Variants in IGF2R observed in about 807,000 individuals in gnomAD.
IGF2R encodes cation-independent mannose-6-phosphate receptor.
In IGF2R, 91 loss-of-function variants were observed where a neutral mutation model predicts 270.6. The observed-to-expected ratio is 0.34, with a 90% CI of 0.28 to 0.40. The LOEUF is 0.40. Among genes scored for constraint, IGF2R ranks in the 10% least tolerant of loss-of-function variants. The pLI is 1.00. For missense variants in IGF2R, 2,805 were observed against 3,188.3 expected, an observed-to-expected ratio of 0.88 and a Z score of 2.90; for synonymous variants, 1,316 against 1,258.9, an observed-to-expected ratio of 1.05 and a Z score of -0.96.
At chr6:159,971,160 A>C (rs767689575) in intron 1 of IGF2R, among the ~76,000 whole-genome samples, 8 of 152,144 alleles carry the variant, frequency 5.3e-5, no homozygotes, top group Non-Finnish European at 8.8e-5. Context: ...TAACAAATTG[A>C]AGTTTGTTTT....
chr6:160,096,198 T>A (rs1779352523), intron 44 of IGF2R: 2 of 389,766 alleles, frequency 5.1e-6, no homozygotes, highest in African/African-American at 4.1e-5. Context: ...AGTCCATCAA[T>A]AAATACTCGT....
chr6:160,068,372 G>T lies in IGF2R; in HGVS notation c.4239G>T (p.Pro1413=), dbSNP rs8191869. The change falls in exon 30 of 48, where the codon CCG becomes CCT. Residue 1413 remains proline (P), a synonymous_variant. Coordinates refer to ENST00000356956, the MANE Select transcript of IGF2R (RefSeq NM_000876.4). The part of the protein sequence containing the change: ...YLINVCKSLA[P]QAGTEPCPPE... ...TCAATGTCTGCAAGTCTCTGGCCCC[G>T]CAGGCTGGCACTGGTGAGAGAGGGC... is the stretch of plus-strand genomic sequence containing the variant. 1.9e-6 allele frequency: 3 copies of T among 1,613,984 alleles called. No homozygotes were observed. The highest frequency in any genetic ancestry group is 2.5e-6 in the Non-Finnish European group (3 of 1,180,008).
At chr6:160,060,748 C>G (rs1778421180) in intron 23 of IGF2R, 31 bp downstream of exon 23, 2 of 1,610,524 alleles carry the variant, frequency 1.2e-6, no homozygotes, top group Non-Finnish European at 1.7e-6. Flanking sequence ...AACTGAGAGG[C>G]CGGTCAAGAG....
chr6:160,022,988 C>CG (rs1777472180), intron 4 of IGF2R, among the ~76,000 whole-genome samples: 1 of 151,968 alleles, frequency 6.6e-6, no homozygotes. Context: ...TAGGTTAGGG[C>CG]GGTGTCATGA....
chr6:160,087,934 C>G, intron 41 of IGF2R, 99 bp from the exon 42 acceptor site: 3 of 738,530 alleles, frequency 4.1e-6, no homozygotes, highest in Non-Finnish European at 4.9e-6. Context: ...CTTTGGTTTC[C>G]CAAAGTGTTG....
intron 29 of IGF2R, among the ~76,000 whole-genome samples, chr6:160,065,469 T>G (rs1041795832): frequency 4.6e-5 from 7 of 152,326 alleles, no homozygotes; most frequent in Admixed American, 3.9e-4. Flanking sequence ...CGGTTATTTA[T>G]GTAGGTGAAA....
intron 2 of IGF2R, among the ~76,000 whole-genome samples, chr6:159,995,941 T>G (rs1784047100): frequency 6.6e-6 from 1 of 151,506 alleles, no homozygotes; most frequent in Non-Finnish European, 1.5e-5. Flanking sequence ...GTTACTCTGT[T>G]TCATTCTCAT....
chr6:159,981,775 T>C (rs1783808200), intron 1 of IGF2R, among the ~76,000 whole-genome samples: 1 of 152,172 alleles, frequency 6.6e-6, no homozygotes, highest in Non-Finnish European at 1.5e-5. Context: ...CCAGGTGACC[T>C]CTGTTACGCA....
chr6:159,975,085 T>C (rs1783667711), intron 1 of IGF2R, among the ~76,000 whole-genome samples: 3 of 152,106 alleles, frequency 2.0e-5, no homozygotes, highest in African/African-American at 7.2e-5. Flanking sequence ...CTGGAGATAG[T>C]GTCAGATGCC....
At chr6:160,092,400 C>T (rs191537486) in intron 44 of IGF2R, among the ~76,000 whole-genome samples, 3 of 152,386 alleles carry the variant, frequency 2.0e-5, no homozygotes, top group South Asian at 2.1e-4. Flanking sequence ...AAGACCTCCA[C>T]GTTCACAAGT....
rs140079798 is a variant in IGF2R, at chr6:160,003,246, T to G, written c.290-5764T>G. On this transcript the variant is annotated intron_variant, in intron 2 of 47. Coordinates refer to ENST00000356956, the MANE Select transcript of IGF2R (RefSeq NM_000876.4). ...TTTCATCTCTTTGACTCATAAGATG[T>G]GAAAATGCCTTTTCCTCTTAAGTCT... 2.3e-3 allele frequency: 346 copies of G among 152,360 alleles called. 1 individual carries two copies. The highest frequency in any genetic ancestry group is 8.0e-3 in the African/African-American group (331 of 41,588). The allele number at this position is 152,360 out of a possible 1,614,324, so 9.4% of individuals were successfully genotyped here.
rs1299461519 is a variant in IGF2R, at chr6:160,102,951, G to A, written c.6995+280G>A. Among the ~76,000 whole-genome samples the A allele has an allele frequency of 6.6e-6, 1 of 152,076 alleles. No homozygotes were observed. Among genetic ancestry groups the A allele is most frequent in the African/African-American group, 2.4e-5 (1 of 41,410 alleles). On this transcript the variant is annotated intron_variant, in intron 46 of 47. Coordinates refer to ENST00000356956, the MANE Select transcript of IGF2R (RefSeq NM_000876.4). The surrounding 1 kb of genome is among the most constrained non-coding windows in gnomAD (Gnocchi z 4.5). ...TCCAAAGATGAGTAGAACATTAAAC[G>A]GCACCTTTCATGGGTGCCTTTTCCC...
intron 1 of IGF2R, among the ~76,000 whole-genome samples, chr6:159,985,077 A>T (rs1431968180): frequency 6.6e-6 from 1 of 152,136 alleles, no homozygotes. Flanking sequence ...TTTCTATATG[A>T]CTAGCATTTT....
chr6:160,040,302 A>G (rs8191772), intron 10 of IGF2R, among the ~76,000 whole-genome samples: 55,698 of 151,830 alleles, frequency 0.37, 10,666 homozygotes, highest in East Asian at 0.75. Flanking sequence ...ATCTTTGGAG[A>G]TGCTGTACAC....
At chr6:159,984,058 T>A (rs531586834) in intron 1 of IGF2R, among the ~76,000 whole-genome samples, 1 of 152,356 alleles carries the variant, frequency 6.6e-6, no homozygotes, top group South Asian at 2.1e-4. Context: ...TTGATCAGCA[T>A]GATGTGATGT....
chr6:160,063,759 T>A, intron 27 of IGF2R, 129 bp downstream of exon 27: 7 of 669,626 alleles, frequency 1.0e-5, no homozygotes, highest in Non-Finnish European at 1.8e-5. Context: ...AAAAAAAGCA[T>A]ATTAATGATA....
chr6:159,979,619 G>A (rs553310988), intron 1 of IGF2R, among the ~76,000 whole-genome samples: 2 of 152,276 alleles, frequency 1.3e-5, no homozygotes, highest in African/African-American at 4.8e-5. Context: ...TGGAGAGTCC[G>A]CTGTCACCAG....
At chr6:160,062,094 A>G (rs1369359185) in intron 25 of IGF2R, among the ~76,000 whole-genome samples, 166 bp downstream of exon 25, 1 of 152,054 alleles carries the variant, frequency 6.6e-6, no homozygotes, top group Admixed American at 6.6e-5. Flanking sequence ...CAGGTCTTAA[A>G]TGTTTAATAA....
chr6:159,988,351 T>C (rs562922113), intron 1 of IGF2R, among the ~76,000 whole-genome samples: 72 of 151,820 alleles, frequency 4.7e-4, no homozygotes, highest in African/African-American at 1.7e-3. Flanking sequence ...CTATCTCTAC[T>C]AAAAATACAA....
Sources: gnomAD v4.1 joint callset for allele counts (sites outside exome capture counted in the v4.1 genomes callset) on GRCh38, gnomAD v4.1.1 for gene constraint, Gnocchi (gnomAD v3.1) non-coding constraint, MANE v1.5 for transcripts, NCBI Gene and HGNC (gene_info 2026-07-23, HGNC 2026-07-21) for gene names.